ARID5B: variants seen among roughly 807,000 people sequenced by gnomAD.
ARID5B encodes AT-rich interactive domain-containing protein 5B.
ARID5B carries 13 observed loss-of-function variants against 97.2 expected under a neutral mutation model. The ratio of observed to expected loss-of-function variants is 0.13; its 90% CI spans 0.09 to 0.21. The LOEUF is 0.21. Among genes scored for constraint, ARID5B ranks in the 10% least tolerant of loss-of-function variants. The pLI, the probability that ARID5B is intolerant of heterozygous loss-of-function variation, is 1.00. For missense variants in ARID5B, 1,210 were observed against 1,465.3 expected (o/e 0.83, Z 2.84); for synonymous variants, 556 against 570.3 (o/e 0.97, Z 0.36).
chr10:62,036,796 G>A (rs577535343), intron 4 of ARID5B, among the ~76,000 whole-genome samples: 2 of 152,310 alleles, frequency 1.3e-5, no homozygotes, highest in South Asian at 4.1e-4. Context: ...GTCTGTCGCA[G>A]CTCTGCTACT....
At chr10:62,039,143 C>A (rs1589269480) in intron 4 of ARID5B, among the ~76,000 whole-genome samples, 2 of 152,142 alleles carry the variant, frequency 1.3e-5, no homozygotes, top group Admixed American at 1.3e-4. Flanking sequence ...AATATGCATA[C>A]CATGTGCTAT....
At chr10:61,989,143 A>G (rs946783784) in intron 3 of ARID5B, among the ~76,000 whole-genome samples, 1 of 151,822 alleles carries the variant, frequency 6.6e-6, no homozygotes, top group African/African-American at 2.4e-5. Flanking sequence ...ATTAGCCAGG[A>G]TGGTCTCGAT....
intron 8 of ARID5B, among the ~76,000 whole-genome samples, chr10:62,074,163 C>A (rs10509166): frequency 6.6e-6 from 1 of 152,130 alleles, no homozygotes; most frequent in African/African-American, 2.4e-5. Context: ...CTGTGGAGCA[C>A]ATGAAGTTGT....
intron 3 of ARID5B, among the ~76,000 whole-genome samples, chr10:61,989,218 C>G (rs10994995): frequency 0.049 from 7,504 of 152,164 alleles, 280 homozygotes; most frequent in Non-Finnish European, 0.08. Flanking sequence ...CGTGAGCCAC[C>G]GTGTGCGGCC....
intron 4 of ARID5B, among the ~76,000 whole-genome samples, chr10:62,034,896 T>C (rs1040277751): frequency 6.6e-6 from 1 of 152,236 alleles, no homozygotes; most frequent in African/African-American, 2.4e-5. Flanking sequence ...CACCAGGCAG[T>C]CTGCCATCTT....
At position 62,092,041 on chromosome 10, in the gene ARID5B, G is replaced by T. The variant is rs540450377; in HGVS notation, c.2578G>T (p.Asp860Tyr). ...NEQTSKYPSR[D>Y]MYRESENSSF... ...ACAGACATCCAAATACCCTTCCAGG[G>T]ACATGTACAGGGAATCGGAAAACAG... Residue 860 changes from aspartate (D) to tyrosine (Y), a missense_variant, in exon 10 of 10, where the codon GAC (aspartate) becomes TAC (tyrosine). Asp to Tyr is a radical substitution (Grantham distance 160). Coordinates refer to ENST00000279873, the MANE Select transcript of ARID5B (RefSeq NM_032199.3). The T allele has an allele frequency of 6.2e-7, 1 of 1,614,030 alleles. No individual in the cohort carries two copies. The highest frequency in any genetic ancestry group is 1.1e-5 in the South Asian group (1 of 91,060).
intron 2 of ARID5B, among the ~76,000 whole-genome samples, chr10:61,926,262 A>G (rs1202292895): frequency 6.6e-6 from 1 of 152,078 alleles, no homozygotes; most frequent in East Asian, 1.9e-4. Flanking sequence ...AATCCCATTC[A>G]CCCCAGGGAA....
At chr10:61,933,166 A>G (rs1430424705) in intron 2 of ARID5B, among the ~76,000 whole-genome samples, 1 of 152,246 alleles carries the variant, frequency 6.6e-6, no homozygotes, top group African/African-American at 2.4e-5. Flanking sequence ...TTACTCATTC[A>G]TAAGAAGTAG....
intron 3 of ARID5B, among the ~76,000 whole-genome samples, chr10:61,940,762 T>C (rs1332724919): frequency 1.3e-5 from 2 of 151,022 alleles, no homozygotes; most frequent in Admixed American, 6.6e-5. Context: ...ATTAACACCA[T>C]GTCCCAATTT....
rs1184880226 is a variant in ARID5B at position 62,093,661 on chromosome 10, T to TA, written c.*631_*632insA. The TA allele has an allele frequency of 4.4e-6, 1 of 226,596 alleles. No homozygotes were observed. The highest frequency in any genetic ancestry group is 6.2e-5 in the East Asian group (1 of 16,118). The allele number at this position is 226,596 out of a possible 1,614,324, so 14.0% of individuals were successfully genotyped here. On this transcript the variant is annotated 3_prime_UTR_variant, in exon 10 of 10. Transcript: ENST00000279873. ...CCAGTTCCTTCTCGTCTTTTTTTTT[T>TA]TTTTTTTTTTTTTTTTTATTAAATG...
At position 62,096,244 on chromosome 10, in the gene ARID5B, A is replaced by T; in HGVS notation, c.*3214A>T. 1 of 233,680 alleles carries T rather than the reference A, an allele frequency of 4.3e-6. No homozygotes were observed. The highest frequency in any genetic ancestry group is 6.0e-5 in the East Asian group (1 of 16,570). The allele number at this position is 233,680 out of a possible 1,614,324, so 14.5% of individuals were successfully genotyped here. ...TTCTGACCTGGTGCATGAATTCTCAAGTACTGTATTTCACTGTGTTGGTGT... is the reference window on the plus strand; with the variant it reads ...TTCTGACCTGGTGCATGAATTCTCATGTACTGTATTTCACTGTGTTGGTGT... On this transcript the variant is annotated 3_prime_UTR_variant, in exon 10 of 10. Transcript: ENST00000279873.
intron 3 of ARID5B, among the ~76,000 whole-genome samples, chr10:61,965,297 A>G (rs1428202192): frequency 6.6e-6 from 1 of 152,176 alleles, no homozygotes; most frequent in Non-Finnish European, 1.5e-5. Context: ...CCCTCTTTAA[A>G]GATAATAGGA....
intron 5 of ARID5B, among the ~76,000 whole-genome samples, chr10:62,055,726 G>A (rs1374246440): frequency 1.3e-5 from 2 of 152,166 alleles, no homozygotes; most frequent in Admixed American, 6.6e-5. Context: ...ATCAGTTTCA[G>A]AGGAAGTTTT....
intron 3 of ARID5B, among the ~76,000 whole-genome samples, chr10:61,977,709 G>T (rs1322593087): frequency 1.3e-5 from 2 of 152,026 alleles, no homozygotes; most frequent in African/African-American, 2.4e-5. Context: ...GGGGTTGTTT[G>T]TTTTTTTCCT....
intron 2 of ARID5B, among the ~76,000 whole-genome samples, chr10:61,925,215 T>A (rs935023591): frequency 4.0e-5 from 6 of 151,678 alleles, no homozygotes; most frequent in South Asian, 2.1e-4. Context: ...AAAAAAAAAA[T>A]TAAATGGTCA....
chr10:62,059,426 GT>G, intron 7 of ARID5B, 131 bp downstream of exon 7: 1 of 676,606 alleles, frequency 1.5e-6, no homozygotes, highest in Non-Finnish European at 2.4e-6. Context: ...ACTTTTGGGG[GT>G]TTATTGGGCC....
At chr10:61,905,344 AT>A (rs568438531) in intron 2 of ARID5B, among the ~76,000 whole-genome samples, 1 of 151,828 alleles carries the variant, frequency 6.6e-6, no homozygotes. Flanking sequence ...CCTTTTTATG[AT>A]TTCTTGAAAT....
At chr10:62,078,460 CA>C (rs765763997) in intron 8 of ARID5B, among the ~76,000 whole-genome samples, 2 of 152,174 alleles carry the variant, frequency 1.3e-5, no homozygotes, top group Non-Finnish European at 2.9e-5. Context: ...GACCCTGTCT[CA>C]AAACAAAACA....
chr10:62,077,341 T>TA (rs1172772715), intron 8 of ARID5B, among the ~76,000 whole-genome samples: 6 of 152,220 alleles, frequency 3.9e-5, no homozygotes, highest in Non-Finnish European at 8.8e-5. Context: ...GTTTCTATTT[T>TA]AAAAAAATAA....
Sources: gnomAD v4.1 joint callset for allele counts (sites outside exome capture counted in the v4.1 genomes callset) on GRCh38, gnomAD v4.1.1 for gene constraint, MANE v1.5 for transcripts, NCBI Gene and HGNC (gene_info 2026-07-23, HGNC 2026-07-21) for gene names.